PTK6: variants seen among roughly 807,000 people sequenced by gnomAD.
PTK6 encodes the protein protein tyrosine kinase 6, also known as protein-tyrosine kinase 6.
In PTK6, 47 loss-of-function variants were observed where a neutral mutation model predicts 47.5. The ratio of observed to expected loss-of-function variants is 0.99; its 90% confidence interval spans 0.78 to 1.26. The LOEUF is 1.26. Ranked by LOEUF, PTK6 falls within the 50% of genes most tolerant of loss-of-function variation. The pLI is 0.00. For missense variants in PTK6, 618 were observed against 625.3 expected, an observed-to-expected ratio of 0.99 and a Z score of 0.12; for synonymous variants, 287 against 276.5, an observed-to-expected ratio of 1.04 and a Z score of -0.38.
intron 2 of PTK6, 76 bp from the exon 3 acceptor site, chr20:63,534,391 C>A: frequency 6.8e-7 from 1 of 1,471,454 alleles, no homozygotes; most frequent in Admixed American, 2.3e-5. Flanking sequence ...GCTGGCCACA[C>A]CTGCGCAGAG....
intron 5 of PTK6, 136 bp from the exon 6 acceptor site, chr20:63,531,063 G>A (rs2082615269): frequency 2.4e-5 from 20 of 821,050 alleles, no homozygotes; most frequent in Non-Finnish European, 3.2e-5. Context: ...AAGGGCAGCT[G>A]GCCTGATTGA....
At chr20:63,536,648 G>A (rs977685932) in intron 1 of PTK6, among the ~76,000 whole-genome samples, 5 of 152,142 alleles carry the variant, frequency 3.3e-5, no homozygotes, top group African/African-American at 9.7e-5. Flanking sequence ...TAACTAGGTC[G>A]TGTGTCTGGT....
At chr20:63,534,111 C>A in intron 3 of PTK6, 41 bp downstream of exon 3, 1 of 1,497,048 alleles carries the variant, frequency 6.7e-7, no homozygotes, top group South Asian at 1.3e-5. Flanking sequence ...TGTGACCCCC[C>A]AGCCTGACCC....
In PTK6 at chr20:63,533,514, ACGGGGCCACACAGAGCCCTGAT is replaced by A. The variant is rs1437715216; in HGVS notation, c.670+15_670+36del. 1 of 1,546,752 alleles carries A rather than the reference ACGGGGCCACACAGAGCCCTGAT, an allele frequency of 6.5e-7. No homozygotes were observed. The highest frequency in any genetic ancestry group is 1.2e-5 in the South Asian group (1 of 81,588). ...GGTGGGAGGGTGGCCCAGGGCAGGC[ACGGGGCCACACAGAGCCCTGAT>A]CGGGGCCCACTCACCTCGAGAAATC... On this transcript the variant is annotated intron_variant, in intron 4 of 7. Transcript: ENST00000542869. This position sits in a 1 kb window ranked among gnomAD's most constrained non-coding sequence, Gnocchi z 4.0.
intron 1 of PTK6, 65 bp downstream of exon 1, chr20:63,537,020 C>G (rs888161756): frequency 6.7e-7 from 1 of 1,496,282 alleles, no homozygotes; most frequent in African/African-American, 1.4e-5. Flanking sequence ...AGCCCAGAGC[C>G]CTGTCCCTCC....
In PTK6 at chr20:63,529,365, A is replaced by T. The variant is rs931986933; in HGVS notation, c.*171T>A. On this transcript the variant is annotated 3_prime_UTR_variant, in exon 8 of 8. Transcript: ENST00000542869. The surrounding 1 kb of genome is among the most constrained non-coding windows in gnomAD (Gnocchi z 5.6). ...GACCCAAGGCACACACGATGGAGTA[A>T]GGAGAGGAGCACACGCGTGTATTGG... The T allele has an allele frequency of 1.5e-6, 1 of 686,548 alleles. No individual in the cohort carries two copies. Among genetic ancestry groups the T allele is most frequent in the Non-Finnish European group, 2.3e-6 (1 of 442,568 alleles). 42.5% of individuals were successfully genotyped at this position (686,548 alleles called of 1,614,324 possible).
In PTK6 at chr20:63,532,627, T is replaced by G; in HGVS notation, c.731A>C (p.His244Pro). The G allele has an allele frequency of 6.2e-7, 1 of 1,614,136 alleles. No homozygotes were observed. The highest frequency in any genetic ancestry group is 1.1e-5 in the South Asian group (1 of 91,090). The change falls in exon 5 of 8, where the codon CAC becomes CCC. Residue 244 changes from histidine to proline, a missense_variant. Coordinates refer to ENST00000542869, the MANE Select transcript of PTK6 (RefSeq NM_005975.4). ...GGCGTACAGCGCCAGGATGTGTTTG[T>G]GCCGCAGCTTCTTCATGGCCTGGAT... ...SEIQAMKKLR[H>P]KHILALYAVV...
Position 63,531,420 on chromosome 20 carries a change from C to CAA in PTK6, c.833-495_833-494dup, listed in dbSNP as rs1157854507. 8.6e-3 allele frequency among the ~76,000 whole-genome samples: 391 copies of CAA among 45,658 alleles called. 12 individuals carry two copies. Among genetic ancestry groups the CAA allele is most frequent in the Middle Eastern group, 0.026 (1 of 38 alleles). 30.0% of individuals were successfully genotyped at this position (45,658 alleles called of 152,430 possible). On this transcript the variant is annotated intron_variant, in intron 5 of 7. Transcript: ENST00000542869. ...TGGGCGACAGAGCCAGACTCCGTCT[C>CAA]AAAAAAAAAAAAAAAAAATATATAT...
rs775801230 is a variant in PTK6 at position 63,533,538 on chromosome 20, G to T, written c.670+13C>A. 1 of 1,595,238 alleles carries T rather than the reference G, an allele frequency of 6.3e-7. No individual in the cohort carries two copies. The highest frequency in any genetic ancestry group is 1.1e-5 in the South Asian group (1 of 88,646). On this transcript the variant is annotated intron_variant, in intron 4 of 7. Transcript: ENST00000542869. The surrounding 1 kb of genome is among the most constrained non-coding windows in gnomAD (Gnocchi z 4.0). ...CACGGGGCCACACAGAGCCCTGATC[G>T]GGGCCCACTCACCTCGAGAAATCAC...
Position 63,532,528 on chromosome 20 carries a change from C to A in PTK6, c.830G>T (p.Arg277Leu), listed in dbSNP as rs748636967. Residue 277 changes from arginine (R) to leucine (L), a missense_variant and splice_region_variant, in exon 5 of 8, where the codon CGC becomes CTC. By Grantham distance (102) the Arg-to-Leu change is moderately radical. Coordinates refer to ENST00000542869, the MANE Select transcript of PTK6 (RefSeq NM_005975.4). ...GAGCCCCGGCCCATGCCACTCACCG[C>A]GGAGCAGCTCCAGCAGGCTGCCCTT... ...MAKGSLLELL[R>L]DSDEKVLPVS... The A allele has an allele frequency of 9.3e-6, 15 of 1,609,698 alleles. No individual in the cohort carries two copies. The highest frequency in any genetic ancestry group is 1.2e-5 in the Non-Finnish European group (14 of 1,177,170).
intron 1 of PTK6, among the ~76,000 whole-genome samples, chr20:63,535,681 A>C (rs550625904): frequency 1.4e-3 from 210 of 151,506 alleles, no homozygotes; most frequent in African/African-American, 4.8e-3. Context: ...ACGGCCCAGC[A>C]TGGAGCCCCT....
chr20:63,534,260 C>A lies in PTK6; in HGVS notation c.408G>T (p.Arg136=). 1 of 1,608,404 alleles carries A rather than the reference C, an allele frequency of 6.2e-7. No individual in the cohort carries two copies. The highest frequency in any genetic ancestry group is 8.5e-7 in the Non-Finnish European group (1 of 1,178,510). The change falls in exon 3 of 8, where the codon CGG becomes CGT. Residue 136 remains arginine (R), a synonymous_variant. Coordinates refer to ENST00000542869, the MANE Select transcript of PTK6 (RefSeq NM_005975.4). The part of the protein sequence containing the change: ...HYKIWRRAGG[R]LHLNEAVSFL... ...AGGACACCGCCTCGTTCAGGTGCAG[C>A]CGGCCCCCGGCACGCCGCCAGATCT...
intron 1 of PTK6, among the ~76,000 whole-genome samples, chr20:63,535,310 G>C (rs186876351): frequency 1.3e-5 from 2 of 152,158 alleles, no homozygotes; most frequent in Admixed American, 6.5e-5. Context: ...TGAGTGGCCC[G>C]AGTCTAGGGG....
At position 63,537,082 on chromosome 20, in the gene PTK6, C is replaced by T; in HGVS notation, c.230+3G>A. The T allele has an allele frequency of 6.2e-7, 1 of 1,606,094 alleles. No individual in the cohort carries two copies. Among genetic ancestry groups the T allele is most frequent in the Non-Finnish European group, 8.5e-7 (1 of 1,176,808 alleles). On this transcript the variant is annotated splice_donor_region_variant and intron_variant, in intron 1 of 7. Coordinates refer to ENST00000542869, the MANE Select transcript of PTK6 (RefSeq NM_005975.4). Reference sequence around the variant, plus strand: ...AAAGCTCCCAGCAGCCTAGGACACGCACGGTTCCGACTCCACCGTCTCCCT... The same window carrying T: ...AAAGCTCCCAGCAGCCTAGGACACGTACGGTTCCGACTCCACCGTCTCCCT...
In PTK6 at chr20:63,530,281, C is replaced by T; in HGVS notation, c.1015-50G>A. The T allele has an allele frequency of 2.5e-6, 4 of 1,600,546 alleles. No individual in the cohort carries two copies. Among genetic ancestry groups the T allele is most frequent in the Non-Finnish European group, 3.4e-6 (4 of 1,170,646 alleles). On this transcript the variant is annotated intron_variant, in intron 6 of 7. Transcript: ENST00000542869. The surrounding 1 kb of genome is among the most constrained non-coding windows in gnomAD (Gnocchi z 4.1). ...GGCCGTGGGGGCTGCCTGTGCCCTGCCCCCGAAGCATGGACGGGCACAGCG... is the reference window on the plus strand; with the variant it reads ...GGCCGTGGGGGCTGCCTGTGCCCTGTCCCCGAAGCATGGACGGGCACAGCG...
intron 2 of PTK6, 40 bp downstream of exon 2, chr20:63,534,898 C>G (rs745777944): frequency 6.4e-7 from 1 of 1,561,354 alleles, no homozygotes; most frequent in Non-Finnish European, 8.7e-7. Context: ...GAGCCAGGAG[C>G]CCCCGCAGGC....
At position 63,533,062 on chromosome 20, in the gene PTK6, C is replaced by G. The variant is rs115110280; in HGVS notation, c.671-375G>C. On this transcript the variant is annotated intron_variant, in intron 4 of 7. Coordinates refer to ENST00000542869, the MANE Select transcript of PTK6 (RefSeq NM_005975.4). This position sits in a 1 kb window ranked among gnomAD's most constrained non-coding sequence, Gnocchi z 4.0. ...ACGTCAAGGATTTTAAATTTTCTTT[C>G]TTTCTTTCTTTTTTTTTTTTCCCAA... Among the ~76,000 whole-genome samples the G allele has an allele frequency of 0.13, 19,327 of 150,278 alleles. 3,979 individuals carry two copies. The highest frequency in any genetic ancestry group is 0.45 in the African/African-American group (17,930 of 39,834).
chr20:63,531,193 G>A lies in PTK6; in HGVS notation c.833-266C>T, dbSNP rs530739599. Among the ~76,000 whole-genome samples the A allele has an allele frequency of 5.3e-5, 8 of 151,430 alleles. No individual in the cohort carries two copies. The East Asian group carries it at 1.2e-3, about 22-fold the overall frequency. On this transcript the variant is annotated intron_variant, in intron 5 of 7. Transcript: ENST00000542869. ...TCCCAGCACTTTGAGAGGCTGAGGC[G>A]GATGGATCACGAGGTCAGGAGATCG...
chr20:63,534,042 G>T, intron 3 of PTK6, 110 bp downstream of exon 3: 2 of 1,356,308 alleles, frequency 1.5e-6, no homozygotes, highest in Non-Finnish European at 2.0e-6. Flanking sequence ...CCCCAGGTCA[G>T]TGAGTCAGGA....
Sources: allele counts gnomAD v4.1 joint callset (sites outside exome capture counted in the v4.1 genomes callset), GRCh38; gene constraint gnomAD v4.1.1; non-coding constraint Gnocchi (gnomAD v3.1); transcripts MANE v1.5; gene names NCBI Gene and HGNC (gene_info 2026-07-23, HGNC 2026-07-21).